The following AHRR variants were observed in gnomAD, a reference collection of about 807,000 sequenced individuals.
AHRR encodes the protein aryl hydrocarbon receptor repressor, also known as ahR repressor.
AHRR carries 28 observed loss-of-function variants against 44.0 expected under a neutral mutation model. The observed-to-expected ratio is 0.64, with a 90% CI of 0.47 to 0.87. The LOEUF is 0.87. AHRR is among the 40% of genes least tolerant of loss of function. The probability of loss-of-function intolerance (pLI) is 0.00; values close to 1 mark genes in which losing one functional copy is unlikely to be tolerated. For synonymous variants in AHRR, 434 were observed against 407.0 expected, an observed-to-expected ratio of 1.07 and a Z score of -0.80; for missense variants, 990 against 953.9, an observed-to-expected ratio of 1.04 and a Z score of -0.50.
intron 4 of AHRR, among the ~76,000 whole-genome samples, chr5:389,044 T>C (rs536640924): frequency 4.6e-5 from 7 of 152,136 alleles, no homozygotes; most frequent in African/African-American, 1.7e-4. Context: ...AGACGCCCCA[T>C]GAGCCACATG....
In AHRR at chr5:425,403, C is replaced by T. The variant is rs564757188; in HGVS notation, c.708+1426C>T. 2.0e-4 allele frequency among the ~76,000 whole-genome samples: 30 copies of T among 152,314 alleles called. No homozygotes were observed. In the East Asian group the frequency reaches 3.7e-3, roughly 19 times the overall value. ...TGCAATCTCGGCTCACTGCAAGCTC[C>T]GCCTCCTGGGTTCACGCCATTCTCC... On this transcript the variant is annotated intron_variant, in intron 7 of 10. Coordinates refer to ENST00000684583, the MANE Select transcript of AHRR (RefSeq NM_001377236.1).
intron 5 of AHRR, among the ~76,000 whole-genome samples, chr5:415,342 C>T (rs1021561116): frequency 0.052 from 6,290 of 122,018 alleles, 119 homozygotes; most frequent in Non-Finnish European, 0.07. Flanking sequence ...CCTGGTGGGG[C>T]GGGAGGCCTA....
chr5:434,867 T>C lies in AHRR; in HGVS notation c.*33T>C, dbSNP rs1191584961. 1.3e-6 allele frequency: 2 copies of C among 1,513,798 alleles called. No homozygotes were observed. The highest frequency in any genetic ancestry group is 2.5e-5 in the South Asian group (2 of 78,526). 93.8% of individuals were successfully genotyped at this position (1,513,798 alleles called of 1,614,324 possible). A position where few individuals can be genotyped will look rare whatever the true frequency, so the allele number is the denominator to read the frequency against. On this transcript the variant is annotated 3_prime_UTR_variant, in exon 11 of 11. Transcript: ENST00000684583. ...ACCACCATCCAAGCTCAGATCTGTGTGTCTACGCTCAGATGCGTCGGTGGC... is the reference window on the plus strand; with the variant it reads ...ACCACCATCCAAGCTCAGATCTGTGCGTCTACGCTCAGATGCGTCGGTGGC...
intron 5 of AHRR, among the ~76,000 whole-genome samples, chr5:415,829 G>T (rs1258372505): frequency 6.6e-6 from 1 of 152,190 alleles, no homozygotes; most frequent in Non-Finnish European, 1.5e-5. Flanking sequence ...AGGCCCTGAG[G>T]CTGCACAGTT....
Position 435,893 on chromosome 5 carries a change from G to A in AHRR, c.*1059G>A, listed in dbSNP as rs1737007606. 1 of 152,770 alleles carries A rather than the reference G, an allele frequency of 6.5e-6. No homozygotes were observed. The highest frequency in any genetic ancestry group is 2.1e-4 in the South Asian group (1 of 4,826). The allele number at this position is 152,770 out of a possible 1,614,324, so 9.5% of individuals were successfully genotyped here. A position where few individuals can be genotyped will look rare whatever the true frequency, so the allele number is the denominator to read the frequency against. ...AGGAAATTTGGATACAAAAGCATAA[G>A]TCAGAAAGTGAAGGTCACCAATCCA... On this transcript the variant is annotated 3_prime_UTR_variant, in exon 11 of 11. Coordinates refer to ENST00000684583, the MANE Select transcript of AHRR (RefSeq NM_001377236.1).
chr5:399,310 T>G (rs1579668631), intron 4 of AHRR, among the ~76,000 whole-genome samples: 1 of 152,224 alleles, frequency 6.6e-6, no homozygotes, highest in East Asian at 1.9e-4. Context: ...TGGAGGGAGA[T>G]TCACTGTGGT....
Position 406,309 on chromosome 5 carries a change from G to C in AHRR, c.352-7035G>C, listed in dbSNP as rs1560911668. On this transcript the variant is annotated intron_variant, in intron 4 of 10. Transcript: ENST00000684583. The surrounding 1 kb of genome is among the most constrained non-coding windows in gnomAD (Gnocchi z 4.7). ...GAACATGGAGGGACCGGAACATGGA[G>C]GGACCAGTCCAGAATGGCCCCACGT... Among the ~76,000 whole-genome samples, 1 of 152,220 alleles carries C rather than the reference G, an allele frequency of 6.6e-6. No homozygotes were observed. The highest frequency in any genetic ancestry group is 2.4e-5 in the African/African-American group (1 of 41,458).
intron 8 of AHRR, among the ~76,000 whole-genome samples, chr5:429,838 C>T (rs991538349): frequency 3.9e-5 from 6 of 152,254 alleles, no homozygotes; most frequent in Admixed American, 3.9e-4. Context: ...TGGGTTCAGA[C>T]AGAACCTTGA....
At chr5:403,560 T>C (rs1246077110) in intron 4 of AHRR, among the ~76,000 whole-genome samples, 8 of 148,728 alleles carry the variant, frequency 5.4e-5, no homozygotes, top group South Asian at 2.2e-4. Context: ...TGCTTGAACC[T>C]GGGAGGCGGA....
chr5:423,919 T>G lies in AHRR; in HGVS notation c.650T>G (p.Leu217Arg). Residue 217 changes from leucine (L) to arginine (R), a missense_variant, in exon 7 of 11, where the codon CTG becomes CGG. By Grantham distance (102) the Leu-to-Arg change is moderately radical. Coordinates refer to ENST00000684583, the MANE Select transcript of AHRR (RefSeq NM_001377236.1). ...ACGCCCACCGAGTACTCGGCCTTCCTGACCCGCTGCTTCATCTGCCGTGTG... is the reference window on the plus strand; with the variant it reads ...ACGCCCACCGAGTACTCGGCCTTCCGGACCCGCTGCTTCATCTGCCGTGTG... Reference protein sequence around the residue: ...TGTPTEYSAFLTRCFICRVRC... With the variant: ...TGTPTEYSAFRTRCFICRVRC... The G allele has an allele frequency of 6.2e-7, 1 of 1,603,434 alleles. No individual in the cohort carries two copies. The highest frequency in any genetic ancestry group is 8.5e-7 in the Non-Finnish European group (1 of 1,179,916).
At chr5:344,151 G>A (rs1177785039) in intron 2 of AHRR, among the ~76,000 whole-genome samples, 187 bp downstream of exon 2, 1 of 151,372 alleles carries the variant, frequency 6.6e-6, no homozygotes, top group Admixed American at 6.6e-5. Flanking sequence ...CCGGTGCCCG[G>A]AGCCCCCGGC....
At chr5:426,522 G>A (rs895663607) in intron 7 of AHRR, among the ~76,000 whole-genome samples, 2 of 151,806 alleles carry the variant, frequency 1.3e-5, no homozygotes, top group African/African-American at 4.8e-5. Context: ...ATGGATGAAT[G>A]GGAAGATGAC....
At position 376,728 on chromosome 5, in the gene AHRR, C is replaced by CCTTG. The variant is rs1560898446; in HGVS notation, c.351+13_351+16dup. On this transcript the variant is annotated intron_variant, in intron 4 of 10. Transcript: ENST00000684583. ...GGCTGCTGTTGGAGGTGAGTGCCAC[C>CCTTG]CTTGGTACCTCGAACACTTGACACT... 8 of 1,594,480 alleles carry CCTTG rather than the reference C, an allele frequency of 5.0e-6. No individual in the cohort carries two copies. The highest frequency in any genetic ancestry group is 6.8e-6 in the Non-Finnish European group (8 of 1,169,884).
At chr5:417,814 A>G (rs750993192) in intron 5 of AHRR, among the ~76,000 whole-genome samples, 4 of 152,216 alleles carry the variant, frequency 2.6e-5, no homozygotes, top group Non-Finnish European at 5.9e-5. Flanking sequence ...TTTATGCAAA[A>G]TATCTCATGA....
intron 2 of AHRR, among the ~76,000 whole-genome samples, chr5:348,655 T>G (rs1742758490): frequency 6.6e-6 from 1 of 152,252 alleles, no homozygotes; most frequent in African/African-American, 2.4e-5. Context: ...AGTTCTGAGA[T>G]TCATCCATGT....
intron 4 of AHRR, among the ~76,000 whole-genome samples, chr5:393,740 T>C (rs925864569): frequency 6.6e-5 from 10 of 152,094 alleles, no homozygotes; most frequent in African/African-American, 2.4e-4. Context: ...TGAGTTCAAG[T>C]GATTCTCCTG....
chr5:340,706 T>TA (rs1742317254), intron 1 of AHRR, among the ~76,000 whole-genome samples: 2 of 59,576 alleles, frequency 3.4e-5, no homozygotes, highest in African/African-American at 1.3e-4. Flanking sequence ...TTTTTTTTTT[T>TA]TTTTTTTGAG....
Position 435,914 on chromosome 5 carries a change from A to G in AHRR, c.*1080A>G, listed in dbSNP as rs1375889466. The G allele has an allele frequency of 2.6e-5, 4 of 152,810 alleles. No homozygotes were observed. The highest frequency in any genetic ancestry group is 4.4e-5 in the Non-Finnish European group (3 of 68,058). 9.5% of individuals were successfully genotyped at this position (152,810 alleles called of 1,614,324 possible). Reference sequence around the variant, plus strand: ...ATAAGTCAGAAAGTGAAGGTCACCAATCCACCAACCCGAGAACCTACAGCT... The same window carrying G: ...ATAAGTCAGAAAGTGAAGGTCACCAGTCCACCAACCCGAGAACCTACAGCT... On this transcript the variant is annotated 3_prime_UTR_variant, in exon 11 of 11. Coordinates refer to ENST00000684583, the MANE Select transcript of AHRR (RefSeq NM_001377236.1).
chr5:423,971 C>T lies in AHRR; in HGVS notation c.702C>T (p.Gly234=). 2.5e-6 allele frequency: 4 copies of T among 1,599,064 alleles called. No individual in the cohort carries two copies. Among genetic ancestry groups the T allele is most frequent in the Non-Finnish European group, 3.4e-6 (4 of 1,179,100 alleles). Residue 234 remains glycine (G), a synonymous_variant, in exon 7 of 11, where the codon GGC becomes GGT. Coordinates refer to ENST00000684583, the MANE Select transcript of AHRR (RefSeq NM_001377236.1). ...RVRCLLDSTS[G]FLTMQFQGKL... ...GCTGCCTGCTGGACAGCACCTCGGG[C>T]TTCCTGGTGAGTGCGTGGGTCCCTG...
Sources: allele counts gnomAD v4.1 joint callset (sites outside exome capture counted in the v4.1 genomes callset), GRCh38; gene constraint gnomAD v4.1.1; non-coding constraint Gnocchi (gnomAD v3.1); transcripts MANE v1.5; gene names NCBI Gene and HGNC (gene_info 2026-07-23, HGNC 2026-07-21).